HS3ST4: variants seen among roughly 807,000 people sequenced by gnomAD.
HS3ST4 encodes the protein heparan sulfate-glucosamine 3-sulfotransferase 4.
In HS3ST4, 17 loss-of-function variants were observed where a neutral mutation model predicts 29.2. The observed-to-expected ratio is 0.58, with a 90% CI of 0.40 to 0.87. The LOEUF (loss-of-function observed/expected upper bound fraction) is 0.87. HS3ST4 is among the 40% of genes least tolerant of loss of function. The pLI is 0.00. For missense variants in HS3ST4, 627 were observed against 634.5 expected, an observed-to-expected ratio of 0.99 and a Z score of 0.13; for synonymous variants, 314 against 285.7, an observed-to-expected ratio of 1.10 and a Z score of -1.00.
chr16:25,692,466 C>T lies in HS3ST4; in HGVS notation c.49C>T (p.Leu17=). Residue 17 remains leucine (L), a synonymous_variant, in exon 1 of 2, where the codon CTG becomes TTG. Coordinates refer to ENST00000331351, the MANE Select transcript of HS3ST4 (RefSeq NM_006040.3). ...PPPPPPPPPP[L]AAPPPPGASA... ...TCCGCCTCCGCCTCCGCCTCCACCT[C>T]TGGCCGCGCCGCCGCCGCCCGGCGC... 1.5e-6 allele frequency: 2 copies of T among 1,358,490 alleles called. No individual in the cohort carries two copies. Among genetic ancestry groups the T allele is most frequent in the South Asian group, 1.5e-5 (1 of 64,674 alleles). The allele number at this position is 1,358,490 out of a possible 1,614,324, so 84.2% of individuals were successfully genotyped here. A position where few individuals can be genotyped will look rare whatever the true frequency, so the allele number is the denominator to read the frequency against.
intron 1 of HS3ST4, among the ~76,000 whole-genome samples, chr16:25,852,804 G>T (rs2141650437): frequency 6.6e-6 from 1 of 152,158 alleles, no homozygotes; most frequent in South Asian, 2.1e-4. Context: ...GATTATAAAG[G>T]TATTATCCTA....
chr16:25,936,885 G>T (rs1019620252), intron 1 of HS3ST4, among the ~76,000 whole-genome samples: 2 of 152,208 alleles, frequency 1.3e-5, no homozygotes, highest in African/African-American at 2.4e-5. Flanking sequence ...ATAGAGTTTT[G>T]GAAGGAAGAA....
rs1967238908 is a variant in HS3ST4, at chr16:25,828,148, CTTCCTTT to C, written c.734+134998_734+135004del. ...CCTTCCCTCCCTCCCTCCCTCCCTT[CTTCCTTT>C]CCTTTCCTTCCTTTCTCTCTCTCTT... is the stretch of plus-strand genomic sequence containing the variant. On this transcript the variant is annotated intron_variant, in intron 1 of 1. Coordinates refer to ENST00000331351, the MANE Select transcript of HS3ST4 (RefSeq NM_006040.3). 2.2e-5 allele frequency among the ~76,000 whole-genome samples: 3 copies of C among 133,390 alleles called. No homozygotes were observed. In the East Asian group the frequency reaches 7.1e-4, roughly 31 times the overall value. The allele number at this position is 133,390 out of a possible 152,430, so 87.5% of individuals were successfully genotyped here. A position where few individuals can be genotyped will look rare whatever the true frequency, so the allele number is the denominator to read the frequency against.
chr16:25,789,464 TTCC>T (rs768464433), intron 1 of HS3ST4, among the ~76,000 whole-genome samples: 8,441 of 29,058 alleles, frequency 0.29, 334 homozygotes, highest in East Asian at 0.31. Context: ...CCTTCCTTCC[TTCC>T]TTCTTTCTTT....
chr16:25,931,444 A>G (rs1205962782), intron 1 of HS3ST4, among the ~76,000 whole-genome samples: 1 of 152,246 alleles, frequency 6.6e-6, no homozygotes, highest in African/African-American at 2.4e-5. Flanking sequence ...CTAAAAATAG[A>G]TAAAGTGCAG....
chr16:26,076,780 C>T (rs901546035), intron 1 of HS3ST4, among the ~76,000 whole-genome samples: 3 of 152,180 alleles, frequency 2.0e-5, no homozygotes, highest in African/African-American at 7.2e-5. Flanking sequence ...AGAGTAGGCA[C>T]TCTGAATTCC....
chr16:25,708,078 A>C (rs1347229763), intron 1 of HS3ST4, among the ~76,000 whole-genome samples: 2 of 152,184 alleles, frequency 1.3e-5, no homozygotes, highest in African/African-American at 4.8e-5. Context: ...GGATCTAGTC[A>C]TTGATCCGGT....
At chr16:25,811,444 T>G (rs1371793321) in intron 1 of HS3ST4, among the ~76,000 whole-genome samples, 1 of 148,152 alleles carries the variant, frequency 6.7e-6, no homozygotes, top group Non-Finnish European at 1.5e-5. Flanking sequence ...TTCTTTTTTT[T>G]TTTTTTGAGA....
chr16:26,121,484 G>T (rs1475642491), intron 1 of HS3ST4, among the ~76,000 whole-genome samples: 3 of 152,206 alleles, frequency 2.0e-5, no homozygotes, highest in African/African-American at 7.2e-5. Context: ...CATGCTGTTT[G>T]AGGCTGCAGG....
intron 1 of HS3ST4, among the ~76,000 whole-genome samples, chr16:25,901,725 A>G (rs1968121327): frequency 6.6e-6 from 1 of 152,120 alleles, no homozygotes; most frequent in Non-Finnish European, 1.5e-5. Flanking sequence ...CTGTTCTCAC[A>G]CAGAAGAGCT....
At chr16:25,808,553 C>T (rs1360378278) in intron 1 of HS3ST4, among the ~76,000 whole-genome samples, 1 of 152,108 alleles carries the variant, frequency 6.6e-6, no homozygotes, top group Non-Finnish European at 1.5e-5. Flanking sequence ...ATGGATTACT[C>T]TCCTTTTATT....
chr16:25,923,697 C>T (rs1968376610), intron 1 of HS3ST4, among the ~76,000 whole-genome samples: 1 of 152,102 alleles, frequency 6.6e-6, no homozygotes, highest in South Asian at 2.1e-4. Flanking sequence ...GCCATTGTCC[C>T]CTCTCACTGC....
At chr16:25,833,327 G>T (rs1286352121) in intron 1 of HS3ST4, among the ~76,000 whole-genome samples, 1 of 152,122 alleles carries the variant, frequency 6.6e-6, no homozygotes, top group East Asian at 1.9e-4. Context: ...ATTGATCTTG[G>T]AGTCAATCTT....
chr16:25,875,863 CT>C (rs778457801), intron 1 of HS3ST4, among the ~76,000 whole-genome samples: 16 of 152,118 alleles, frequency 1.1e-4, no homozygotes, highest in Non-Finnish European at 1.9e-4. Flanking sequence ...ATTCTTGCCC[CT>C]GATTCCCTGC....
At chr16:25,965,919 T>A (rs918403546) in intron 1 of HS3ST4, among the ~76,000 whole-genome samples, 1 of 152,192 alleles carries the variant, frequency 6.6e-6, no homozygotes, top group Non-Finnish European at 1.5e-5. Context: ...GCTCAAGTGA[T>A]CCTCCCACCT....
chr16:25,904,901 A>T lies in HS3ST4; in HGVS notation c.734+211750A>T, dbSNP rs535143166. On this transcript the variant is annotated intron_variant, in intron 1 of 1. Coordinates refer to ENST00000331351, the MANE Select transcript of HS3ST4 (RefSeq NM_006040.3). ...CCTGGTACAGAGTCAATGGTCAACA[A>T]ATGTTAGCTCTTATTATAAATTTCC... Among the ~76,000 whole-genome samples the T allele has an allele frequency of 1.8e-4, 27 of 152,298 alleles. No homozygotes were observed. The South Asian group carries it at 5.2e-3, about 29-fold the overall frequency.
chr16:25,817,278 T>G (rs1421020906), intron 1 of HS3ST4, among the ~76,000 whole-genome samples: 2 of 152,230 alleles, frequency 1.3e-5, no homozygotes, highest in African/African-American at 4.8e-5. Flanking sequence ...AAATGCTTAG[T>G]TAATATGGCT....
chr16:25,977,294 C>T (rs139016479), intron 1 of HS3ST4, among the ~76,000 whole-genome samples: 196 of 152,262 alleles, frequency 1.3e-3, no homozygotes, highest in African/African-American at 4.4e-3. Flanking sequence ...GCTTTTGCTT[C>T]CCTTGCCTTG....
intron 1 of HS3ST4, among the ~76,000 whole-genome samples, chr16:25,730,407 CTCTCCCTCTCTTCCTTA>C (rs1263862112): frequency 3.4e-5 from 5 of 146,932 alleles, no homozygotes; most frequent in Non-Finnish European, 6.0e-5. Context: ...TTCTCTCCCT[CTCTCCCTCTCTTCCTTA>C]TCTCCCTCTC....
Sources: allele counts gnomAD v4.1 joint callset (sites outside exome capture counted in the v4.1 genomes callset), GRCh38; gene constraint gnomAD v4.1.1; transcripts MANE v1.5; gene names NCBI Gene and HGNC (gene_info 2026-07-23, HGNC 2026-07-21).